The following NCOR2 variants were observed in gnomAD, a reference collection of about 807,000 sequenced individuals.
NCOR2 encodes the protein nuclear receptor corepressor 2, also known as CTG repeat protein 26.
In NCOR2, 81 loss-of-function variants were observed where a neutral mutation model predicts 262.9. That is an observed-to-expected ratio of 0.31 (90% confidence interval 0.26 to 0.37). The LOEUF is 0.37. NCOR2 is among the 10% of genes least tolerant of loss of function. The pLI is 1.00. For synonymous variants in NCOR2, 1,659 were observed against 1,559.3 expected, an observed-to-expected ratio of 1.06 and a Z score of -1.51; for missense variants, 3,385 against 3,621.4, an observed-to-expected ratio of 0.93 and a Z score of 1.68.
intron 1 of NCOR2, among the ~76,000 whole-genome samples, chr12:124,551,636 C>A (rs2051716940): frequency 6.6e-6 from 1 of 152,234 alleles, no homozygotes; most frequent in Admixed American, 6.5e-5. Context: ...CCCACATAGT[C>A]TGTGACAAGC....
At chr12:124,339,209 T>TCTAC (rs1566363001) in intron 37 of NCOR2, among the ~76,000 whole-genome samples, 12 of 100,958 alleles carry the variant, frequency 1.2e-4, no homozygotes, top group South Asian at 4.1e-4. Flanking sequence ...CCTAACCCGA[T>TCTAC]CTACCTACCA....
At position 124,454,320 on chromosome 12, in the gene NCOR2, A is replaced by G. The variant is rs902428954; in HGVS notation, c.762+2786T>C. Among the ~76,000 whole-genome samples, 8 of 152,074 alleles carry G rather than the reference A, an allele frequency of 5.3e-5. No homozygotes were observed. The highest frequency in any genetic ancestry group is 2.0e-4 in the Admixed American group (3 of 15,264). On this transcript the variant is annotated intron_variant, in intron 6 of 46. Coordinates refer to ENST00000405201, the Ensembl canonical transcript of NCOR2. The surrounding 1 kb of genome is among the most constrained non-coding windows in gnomAD (Gnocchi z 5.6). ...GCCAGGGGCCTTCAAGAGTCCAAAC[A>G]CTAGATCTTAGCCTCCTGTGCCATC... is the stretch of plus-strand genomic sequence containing the variant.
At chr12:124,450,758 GC>G (rs1250372587) in intron 6 of NCOR2, among the ~76,000 whole-genome samples, 2 of 152,226 alleles carry the variant, frequency 1.3e-5, no homozygotes, top group African/African-American at 4.8e-5. Context: ...GAAGAACCTT[GC>G]TTAGCAACCA....
intron 1 of NCOR2, among the ~76,000 whole-genome samples, chr12:124,546,075 G>A (rs1183337545): frequency 5.3e-5 from 8 of 152,228 alleles, no homozygotes; most frequent in Non-Finnish European, 1.2e-4. Context: ...AGGCCACAGA[G>A]CACAGGTCTC....
chr12:124,414,377 C>T (rs1217599560), intron 13 of NCOR2, among the ~76,000 whole-genome samples: 1 of 152,192 alleles, frequency 6.6e-6, no homozygotes, highest in South Asian at 2.1e-4. Flanking sequence ...GACTGTTGGC[C>T]GGCACCATCA....
chr12:124,491,565 A>G (rs2048085143), intron 1 of NCOR2, among the ~76,000 whole-genome samples: 1 of 152,212 alleles, frequency 6.6e-6, no homozygotes, highest in East Asian at 1.9e-4. Context: ...AGCAGAAAAG[A>G]GTCACGCTGG....
At chr12:124,383,026 TTGAA>T (rs2040524156) in intron 17 of NCOR2, among the ~76,000 whole-genome samples, 2 of 151,544 alleles carry the variant, frequency 1.3e-5, no homozygotes, top group South Asian at 4.2e-4. Context: ...GGATGCCTCT[TTGAA>T]TGAATGGATG....
intron 1 of NCOR2, among the ~76,000 whole-genome samples, chr12:124,528,531 A>G (rs908762152): frequency 6.6e-6 from 1 of 152,208 alleles, no homozygotes; most frequent in Non-Finnish European, 1.5e-5. Flanking sequence ...TTTGCCCAAG[A>G]CAACAGGATT....
At chr12:124,448,814 A>G (rs1345323824) in intron 7 of NCOR2, among the ~76,000 whole-genome samples, 1 of 152,148 alleles carries the variant, frequency 6.6e-6, no homozygotes, top group East Asian at 1.9e-4. Flanking sequence ...TACACTCTGT[A>G]GTTCCATCCC....
At chr12:124,532,580 G>A (rs1343606855) in intron 1 of NCOR2, among the ~76,000 whole-genome samples, 1 of 152,180 alleles carries the variant, frequency 6.6e-6, no homozygotes, top group African/African-American at 2.4e-5. Flanking sequence ...AGATGTGATG[G>A]ATCGCCCCGG....
Position 124,362,198 on chromosome 12 carries a change from C to T in NCOR2, c.3028G>A (p.Asp1010Asn), listed in dbSNP as rs374585160. 31 of 1,310,408 alleles carry T rather than the reference C, an allele frequency of 2.4e-5. No individual in the cohort carries two copies. In the South Asian group the frequency reaches 3.6e-4, roughly 15 times the overall value. The allele number at this position is 1,310,408 out of a possible 1,614,324, so 81.2% of individuals were successfully genotyped here. The change falls in exon 22 of 47, where the codon GAC becomes AAC. Residue 1010 changes from aspartate (D) to asparagine (N), a missense_variant. Asp to Asn is a conservative substitution (Grantham distance 23). Transcript: ENST00000405201. ...CTGCTGCCAGGCTGCTGAGGGGCGT[C>T]GCTCTCCGGCTGCAGGTTTTGCGGT... is the stretch of plus-strand genomic sequence containing the variant.
chr12:124,388,746 C>T lies in NCOR2; in HGVS notation c.1877-2859G>A, dbSNP rs1016231458. The T allele has an allele frequency of 6.1e-6, 8 of 1,304,088 alleles. No individual in the cohort carries two copies. The Admixed American group carries it at 6.9e-5, about 11-fold the overall frequency. The allele number at this position is 1,304,088 out of a possible 1,614,324, so 80.8% of individuals were successfully genotyped here. The stretch of plus-strand genomic sequence containing the variant: ...CCGGAAACATAGGGCTGGGAAGATG[C>T]CCCAGGGAGCGGGCCGAAGTGGGCC... On this transcript the variant is annotated intron_variant, in intron 16 of 46. Transcript: ENST00000405201.
rs750532115 is a variant in NCOR2, at chr12:124,337,200, G to A, written c.5688-20C>T. The A allele has an allele frequency of 2.7e-5, 41 of 1,546,730 alleles. No individual in the cohort carries two copies. The highest frequency in any genetic ancestry group is 7.2e-5 in the South Asian group (6 of 83,816). ...GTGGACCTGGGGGAGGAGAGAAGGC[G>A]GTCAGGCAGTCATGGGAGCTGCCCT... On this transcript the variant is annotated intron_variant, in intron 37 of 46. Transcript: ENST00000405201.
At chr12:124,520,283 C>A (rs1012499777) in intron 1 of NCOR2, among the ~76,000 whole-genome samples, 7 of 152,216 alleles carry the variant, frequency 4.6e-5, no homozygotes, top group Non-Finnish European at 8.8e-5. Context: ...GCCCAAAGAT[C>A]CAGCACCATC....
chr12:124,494,335 G>A (rs1480640632), intron 1 of NCOR2, among the ~76,000 whole-genome samples: 1 of 152,156 alleles, frequency 6.6e-6, no homozygotes, highest in Non-Finnish European at 1.5e-5. Flanking sequence ...GGTCACAAGG[G>A]GGAGGCCCAC....
chr12:124,532,110 C>A (rs778057116), intron 1 of NCOR2, among the ~76,000 whole-genome samples: 5 of 152,154 alleles, frequency 3.3e-5, no homozygotes, highest in Non-Finnish European at 7.4e-5. Flanking sequence ...GGGATAAGGA[C>A]GGTGCCCACC....
At chr12:124,527,669 C>T (rs1339757109) in intron 1 of NCOR2, among the ~76,000 whole-genome samples, 2 of 152,166 alleles carry the variant, frequency 1.3e-5, no homozygotes, top group African/African-American at 2.4e-5. Flanking sequence ...CCGCCTGCCT[C>T]GGCCTTCCAA....
At chr12:124,373,904 G>A (rs1307568947) in intron 19 of NCOR2, among the ~76,000 whole-genome samples, 1 of 152,152 alleles carries the variant, frequency 6.6e-6, no homozygotes, top group African/African-American at 2.4e-5. Flanking sequence ...CAGTGCGTGT[G>A]CAGGGGCCCC....
chr12:124,439,461 C>A (rs2136430084), intron 7 of NCOR2, among the ~76,000 whole-genome samples: 4 of 10,144 alleles, frequency 3.9e-4, no homozygotes, highest in Admixed American at 2.4e-3. Flanking sequence ...AAACAGGGAC[C>A]CAGAGAGAGG....
Sources: allele counts gnomAD v4.1 joint callset (sites outside exome capture counted in the v4.1 genomes callset), GRCh38; gene constraint gnomAD v4.1.1; non-coding constraint Gnocchi (gnomAD v3.1); transcripts MANE v1.5; gene names NCBI Gene and HGNC (gene_info 2026-07-23, HGNC 2026-07-21).